Variants in CCDC93 observed in about 807,000 individuals in gnomAD.
CCDC93 encodes coiled-coil domain-containing protein 93.
A neutral mutation model predicts 108.2 loss-of-function variants in CCDC93; 61 were observed. The ratio of observed to expected loss-of-function variants is 0.56; its 90% confidence interval spans 0.46 to 0.70. The LOEUF is 0.70. Ranked by LOEUF, CCDC93 falls within the 30% of genes least tolerant of loss-of-function variation. The probability of loss-of-function intolerance (pLI) is 0.00; values close to 1 mark genes in which losing one functional copy is unlikely to be tolerated. For missense variants in CCDC93, 685 were observed against 764.2 expected (o/e 0.90, Z 1.22); for synonymous variants, 276 against 260.4 (o/e 1.06, Z -0.58).
intron 16 of CCDC93, 115 bp from the exon 17 acceptor site, chr2:117,945,697 A>ATG: frequency 1.3e-6 from 1 of 783,742 alleles, no homozygotes; most frequent in Non-Finnish European, 2.2e-6. Context: ...CAGCTGAGAA[A>ATG]TGTGTTGATG....
intron 8 of CCDC93, 81 bp downstream of exon 8, chr2:117,977,913 G>T: frequency 7.5e-7 from 1 of 1,335,154 alleles, no homozygotes; most frequent in South Asian, 1.2e-5. Flanking sequence ...GCTGCTGCCC[G>T]GCTTGTGAGT....
chr2:118,011,132 T>C (rs1031665896), intron 1 of CCDC93, among the ~76,000 whole-genome samples: 21 of 152,202 alleles, frequency 1.4e-4, no homozygotes, highest in African/African-American at 2.4e-5. Context: ...GATCTACTAA[T>C]GCTTACATAA....
At chr2:118,011,457 C>G (rs1267488622) in intron 1 of CCDC93, among the ~76,000 whole-genome samples, 1 of 152,096 alleles carries the variant, frequency 6.6e-6, no homozygotes, top group Non-Finnish European at 1.5e-5. Context: ...TAATTCACAC[C>G]TTCTCTCCCT....
At chr2:117,961,698 G>A (rs1679400186) in intron 11 of CCDC93, among the ~76,000 whole-genome samples, 1 of 152,144 alleles carries the variant, frequency 6.6e-6, no homozygotes, top group South Asian at 2.1e-4. Flanking sequence ...TGAGAGATAC[G>A]ATGAGAAAGA....
chr2:117,974,972 G>A, intron 9 of CCDC93, 72 bp from the exon 10 acceptor site: 1 of 1,274,268 alleles, frequency 7.8e-7, no homozygotes, highest in South Asian at 1.3e-5. Context: ...ATGCCTACAT[G>A]GATCTTTGCG....
In CCDC93 at chr2:117,995,360, C is replaced by T. The variant is rs1057473931; in HGVS notation, c.519+86G>A. On this transcript the variant is annotated intron_variant, in intron 6 of 23. Coordinates refer to ENST00000376300, the MANE Select transcript of CCDC93 (RefSeq NM_019044.5). ...CTAAGCGATCCCCGTAGATGGAAGC[C>T]TCAGGAGCAGCGCTTTTGTGATTTA... 15 of 1,067,486 alleles carry T rather than the reference C, an allele frequency of 1.4e-5. No individual in the cohort carries two copies. In the African/African-American group the frequency reaches 2.4e-4, roughly 17 times the overall value. 66.1% of individuals were successfully genotyped at this position (1,067,486 alleles called of 1,614,324 possible).
At chr2:117,975,015 C>T (rs1223549363) in intron 9 of CCDC93, 115 bp from the exon 10 acceptor site, 1 of 1,070,536 alleles carries the variant, frequency 9.3e-7, no homozygotes, top group African/African-American at 1.6e-5. Context: ...TTGATCTCGT[C>T]TTATGTGAGC....
intron 23 of CCDC93, among the ~76,000 whole-genome samples, chr2:117,929,250 T>TA (rs1234173962): frequency 2.6e-5 from 4 of 152,164 alleles, no homozygotes; most frequent in Non-Finnish European, 4.4e-5. Context: ...CCCTAAAACT[T>TA]AAAGTATAAT....
intron 22 of CCDC93, among the ~76,000 whole-genome samples, chr2:117,933,582 C>T (rs977873874): frequency 6.6e-6 from 1 of 152,118 alleles, no homozygotes; most frequent in Non-Finnish European, 1.5e-5. Flanking sequence ...CATTGTTACC[C>T]AGCGCTGGTC....
At chr2:117,924,538 G>A (rs1469011801) in intron 23 of CCDC93, among the ~76,000 whole-genome samples, 2 of 152,176 alleles carry the variant, frequency 1.3e-5, no homozygotes, top group East Asian at 3.9e-4. Context: ...AGTGATGGAA[G>A]ATCAAATGAA....
chr2:117,995,357 A>T, intron 6 of CCDC93, 89 bp downstream of exon 6: 1 of 1,004,072 alleles, frequency 1.0e-6, no homozygotes, highest in Non-Finnish European at 1.6e-6. Context: ...CGTAGATGGA[A>T]GCCTCAGGAG....
At chr2:118,002,379 T>C (rs1676727274) in intron 3 of CCDC93, among the ~76,000 whole-genome samples, 1 of 152,206 alleles carries the variant, frequency 6.6e-6, no homozygotes, top group African/African-American at 2.4e-5. Flanking sequence ...CCCTCAGTCT[T>C]AGTATTAACA....
At position 117,916,547 on chromosome 2, in the gene CCDC93, A is replaced by G. The variant is rs1168074875; in HGVS notation, c.*3796T>C. On this transcript the variant is annotated 3_prime_UTR_variant, in exon 24 of 24. Transcript: ENST00000376300. ...TGCAAAGTTGCAATGTGGAAAAGCC[A>G]TTTTATCCAACCGGAATTTCCCAGT... 6.6e-6 allele frequency: 1 copy of G among 152,174 alleles called. No individual in the cohort carries two copies. The highest frequency in any genetic ancestry group is 2.4e-5 in the African/African-American group (1 of 41,446). 9.4% of individuals were successfully genotyped at this position (152,174 alleles called of 1,614,324 possible).
At position 117,985,498 on chromosome 2, in the gene CCDC93, A is replaced by G. The variant is rs1234746232; in HGVS notation, c.620+471T>C. 5.0e-6 allele frequency: 4 copies of G among 803,602 alleles called. No individual in the cohort carries two copies. In the East Asian group the frequency reaches 5.1e-4, roughly 102 times the overall value. The allele number at this position is 803,602 out of a possible 1,614,324, so 49.8% of individuals were successfully genotyped here. ...AGCATGTCCTTGCACTTTTTTTTAA[A>G]GTAAAAACTAAGGATATAAAATAAG... On this transcript the variant is annotated intron_variant, in intron 7 of 23. Transcript: ENST00000376300.
In CCDC93 at chr2:117,949,727, A is replaced by G. The variant is rs1380186670; in HGVS notation, c.1069-332T>C. 1.7e-5 allele frequency: 17 copies of G among 984,368 alleles called. 1 individual carries two copies. The highest frequency in any genetic ancestry group is 2.1e-5 in the Non-Finnish European group (17 of 829,076). 61.0% of individuals were successfully genotyped at this position (984,368 alleles called of 1,614,324 possible). On this transcript the variant is annotated intron_variant, in intron 13 of 23. Coordinates refer to ENST00000376300, the MANE Select transcript of CCDC93 (RefSeq NM_019044.5). ...AATTAAAAAAAAAAAGTTTTAAAAA[A>G]GTTCCAAGAGGTCTAGTTGAAAATA...
chr2:117,998,453 A>G (rs1266176392), intron 4 of CCDC93: 6 of 152,232 alleles, frequency 3.9e-5, no homozygotes, highest in Non-Finnish European at 4.4e-5. Flanking sequence ...ATTTTATGAA[A>G]TGATAAAGCA....
At chr2:117,946,341 T>C (rs1678872530) in intron 16 of CCDC93, among the ~76,000 whole-genome samples, 1 of 152,224 alleles carries the variant, frequency 6.6e-6, no homozygotes, top group Admixed American at 6.5e-5. Context: ...TCCAGGTGTG[T>C]TCCCTAAACC....
At position 117,995,453 on chromosome 2, in the gene CCDC93, T is replaced by A. The variant is rs146559024; in HGVS notation, c.512A>T (p.Asp171Val). 5.8e-5 allele frequency: 93 copies of A among 1,612,494 alleles called. 1 individual carries two copies. Among genetic ancestry groups the A allele is most frequent in the Middle Eastern group, 4.9e-4 (3 of 6,082 alleles). ...TACGGCCAGGGGACTTACTGAGAGG[T>A]CCACAACTGTCTTGATGGCCTTTTC... ...RKEKAIKTVV[D>V]LSEVYKPRRK... Residue 171 changes from aspartate (D) to valine (V), a missense_variant, in exon 6 of 24, where the codon GAC becomes GTC. Coordinates refer to ENST00000376300, the MANE Select transcript of CCDC93 (RefSeq NM_019044.5).
chr2:117,983,772 A>T (rs1680231882), intron 7 of CCDC93, among the ~76,000 whole-genome samples: 1 of 151,906 alleles, frequency 6.6e-6, no homozygotes, highest in Non-Finnish European at 1.5e-5. Flanking sequence ...AGGAAGGGAG[A>T]AGCCTTCCCA....
Sources: allele counts gnomAD v4.1 joint callset (sites outside exome capture counted in the v4.1 genomes callset), GRCh38; gene constraint gnomAD v4.1.1; transcripts MANE v1.5; gene names NCBI Gene and HGNC (gene_info 2026-07-23, HGNC 2026-07-21).